ZC2HC1A: variants seen among roughly 807,000 people sequenced by gnomAD.
ZC2HC1A encodes the protein zinc finger C2HC domain-containing protein 1A.
In ZC2HC1A, 28 loss-of-function variants were observed where a neutral mutation model predicts 40.7. The ratio of observed to expected loss-of-function variants is 0.69; its 90% CI spans 0.51 to 0.94. ZC2HC1A has a LOEUF of 0.94. Ranked by LOEUF, ZC2HC1A falls within the 40% of genes least tolerant of loss-of-function variation. The probability of loss-of-function intolerance (pLI) is 0.00; values close to 1 mark genes in which losing one functional copy is unlikely to be tolerated. For synonymous variants in ZC2HC1A, 129 were observed against 129.2 expected (o/e 1.00, Z 0.01); for missense variants, 389 against 386.3 (o/e 1.01, Z -0.06).
intron 5 of ZC2HC1A, among the ~76,000 whole-genome samples, chr8:78,690,184 C>A (rs77267722): frequency 0.051 from 7,780 of 152,262 alleles, 278 homozygotes; most frequent in Middle Eastern, 0.082. Context: ...GTCAATACCG[C>A]ATTATCACTA....
chr8:78,709,886 C>T lies in ZC2HC1A; in HGVS notation c.705-5335C>T, dbSNP rs148398325. 3.0e-3 allele frequency among the ~76,000 whole-genome samples: 452 copies of T among 152,174 alleles called. 3 individuals carry two copies. The highest frequency in any genetic ancestry group is 0.012 in the East Asian group (61 of 5,186). ...GTGTGCAAAGATACAAAATACCATC[C>T]GGTAAATTCTTTTCCCAATATTATT... On this transcript the variant is annotated intron_variant, in intron 7 of 8. Transcript: ENST00000263849.
intron 7 of ZC2HC1A, among the ~76,000 whole-genome samples, chr8:78,705,664 C>T (rs1810749944): frequency 6.6e-6 from 1 of 152,134 alleles, no homozygotes; most frequent in African/African-American, 2.4e-5. Context: ...CTCCAAACCC[C>T]AGAGACTGAA....
At chr8:78,716,701 CA>C (rs1811116006) in intron 8 of ZC2HC1A, among the ~76,000 whole-genome samples, 1 of 152,020 alleles carries the variant, frequency 6.6e-6, no homozygotes, top group South Asian at 2.1e-4. Context: ...GCACAAAGAA[CA>C]GATGGAAAGC....
At chr8:78,701,056 G>A (rs764801842) in intron 7 of ZC2HC1A, among the ~76,000 whole-genome samples, 3 of 152,142 alleles carry the variant, frequency 2.0e-5, no homozygotes, top group Non-Finnish European at 4.4e-5. Flanking sequence ...AATGGGAATA[G>A]CATTGAATCT....
rs141485055 is a variant in ZC2HC1A at position 78,717,346 on chromosome 8, A to T, written c.831A>T (p.Ala277=). ...SYIARPDGDC[A]SSLNGGNIKG... ...TTTTTAGGCCAGATGGGGACTGTGC[A>T]TCTTCCCTTAATGGTGGAAATATTA... is the stretch of plus-strand genomic sequence containing the variant. The change falls in exon 9 of 9, where the codon GCA becomes GCT. Residue 277 remains alanine (A), a synonymous_variant. Coordinates refer to ENST00000263849, the MANE Select transcript of ZC2HC1A (RefSeq NM_016010.3). 1 of 1,609,066 alleles carries T rather than the reference A, an allele frequency of 6.2e-7. No homozygotes were observed.
intron 8 of ZC2HC1A, 59 bp downstream of exon 8, chr8:78,715,387 C>T (rs1811069391): frequency 6.9e-7 from 1 of 1,450,458 alleles, no homozygotes; most frequent in African/African-American, 1.4e-5. Flanking sequence ...GATAGTTTTC[C>T]AAGGACCATA....
chr8:78,713,230 G>T (rs1811002193), intron 7 of ZC2HC1A, among the ~76,000 whole-genome samples: 1 of 152,254 alleles, frequency 6.6e-6, no homozygotes, highest in East Asian at 1.9e-4. Flanking sequence ...TGTGGACTGT[G>T]TAAGACTGGG....
chr8:78,707,513 A>C (rs934479585), intron 7 of ZC2HC1A, among the ~76,000 whole-genome samples: 1 of 152,202 alleles, frequency 6.6e-6, no homozygotes, highest in East Asian at 1.9e-4. Flanking sequence ...TGACCAACAT[A>C]CCTGGTTACT....
At chr8:78,669,967 C>CTTTTTTTTTTTTTTT (rs371762916) in intron 1 of ZC2HC1A, among the ~76,000 whole-genome samples, 1 of 123,036 alleles carries the variant, frequency 8.1e-6, no homozygotes, top group Non-Finnish European at 1.6e-5. Flanking sequence ...TTCTTTCTTT[C>CTTTTTTTTTTTTTTT]TTTCTTTTTT....
intron 7 of ZC2HC1A, among the ~76,000 whole-genome samples, chr8:78,699,185 G>T (rs921036259): frequency 6.6e-6 from 1 of 152,050 alleles, no homozygotes; most frequent in African/African-American, 2.4e-5. Context: ...AAGCAGTGGG[G>T]TGATTCTCTT....
chr8:78,668,172 C>T (rs1298402090), intron 1 of ZC2HC1A, among the ~76,000 whole-genome samples: 1 of 151,934 alleles, frequency 6.6e-6, no homozygotes, highest in Non-Finnish European at 1.5e-5. Flanking sequence ...CTCCCCTCTC[C>T]CTCCCCTAAG....
Position 78,717,489 on chromosome 8 carries a change from T to C in ZC2HC1A, c.974T>C (p.Leu325Pro), listed in dbSNP as rs1563642714. 6.5e-7 allele frequency: 1 copy of C among 1,539,908 alleles called. No individual in the cohort carries two copies. The highest frequency in any genetic ancestry group is 8.7e-7 in the Non-Finnish European group (1 of 1,152,260). ...GAATGTGGCATTCGAAGAATGATTCTATGAATAGAATCTCAAAAAAAAAAA... is the reference window on the plus strand; with the variant it reads ...GAATGTGGCATTCGAAGAATGATTCCATGAATAGAATCTCAAAAAAAAAAA... ...CCECGIRRMIL is the reference protein window; with the variant it reads ...CCECGIRRMIP Residue 325 changes from leucine to proline, a missense_variant, in exon 9 of 9, where the codon CTA becomes CCA. By Grantham distance (98) the Leu-to-Pro change is moderately conservative. Transcript: ENST00000263849.
intron 7 of ZC2HC1A, among the ~76,000 whole-genome samples, chr8:78,709,009 T>C (rs1810872488): frequency 6.6e-6 from 1 of 152,192 alleles, no homozygotes; most frequent in African/African-American, 2.4e-5. Flanking sequence ...AGAAATACAG[T>C]GAAACACAGA....
chr8:78,689,222 A>G lies in ZC2HC1A; in HGVS notation c.353A>G (p.Asp118Gly), dbSNP rs1167369115. 2 of 1,558,222 alleles carry G rather than the reference A, an allele frequency of 1.3e-6. No individual in the cohort carries two copies. Among genetic ancestry groups the G allele is most frequent in the Non-Finnish European group, 8.7e-7 (1 of 1,154,934 alleles). The change falls in exon 5 of 9, where the codon GAT (aspartate) becomes GGT (glycine). Residue 118 changes from aspartate (D) to glycine (G), a missense_variant and splice_region_variant. Transcript: ENST00000263849. ...CTGTTTCCGTTTTTATCTGTTATAGATTATATTCAATGTCCATATTGTCAG... is the reference window on the plus strand; with the variant it reads ...CTGTTTCCGTTTTTATCTGTTATAGGTTATATTCAATGTCCATATTGTCAG... ...PPPPPPSYDP[D>G]YIQCPYCQRR...
chr8:78,690,199 GA>G, intron 5 of ZC2HC1A, among the ~76,000 whole-genome samples: 1 of 152,194 alleles, frequency 6.6e-6, no homozygotes, highest in South Asian at 2.1e-4. Context: ...TCACTATACT[GA>G]ATAGTGAACC....
intron 7 of ZC2HC1A, among the ~76,000 whole-genome samples, chr8:78,711,745 A>C (rs1310518421): frequency 1.3e-5 from 2 of 151,930 alleles, no homozygotes; most frequent in Non-Finnish European, 2.9e-5. Context: ...CCTGCTGTGT[A>C]TAATTTGACA....
chr8:78,689,536 A>G (rs900160231), intron 5 of ZC2HC1A, among the ~76,000 whole-genome samples, 163 bp downstream of exon 5: 6 of 152,030 alleles, frequency 3.9e-5, no homozygotes, highest in Non-Finnish European at 5.9e-5. Flanking sequence ...TAGCTCTTAT[A>G]TCTGTAAATC....
chr8:78,710,124 C>T (rs1810907091), intron 7 of ZC2HC1A, among the ~76,000 whole-genome samples: 1 of 151,980 alleles, frequency 6.6e-6, no homozygotes, highest in African/African-American at 2.4e-5. Context: ...ATTTTGAAGG[C>T]CTGTGAAAGT....
chr8:78,696,043 C>CTT (rs1022267808), intron 5 of ZC2HC1A, among the ~76,000 whole-genome samples: 1 of 148,588 alleles, frequency 6.7e-6, no homozygotes, highest in Non-Finnish European at 1.5e-5. Flanking sequence ...ATTTTTCTTT[C>CTT]TTTTTTTTTT....
Sources: gnomAD v4.1 joint callset for allele counts (sites outside exome capture counted in the v4.1 genomes callset) on GRCh38, gnomAD v4.1.1 for gene constraint, MANE v1.5 for transcripts, NCBI Gene and HGNC (gene_info 2026-07-23, HGNC 2026-07-21) for gene names.